Variants in AGBL1 observed in about 807,000 individuals in gnomAD.
The protein encoded by AGBL1 is cytosolic carboxypeptidase 4.
In AGBL1, 130 loss-of-function variants were observed where a neutral mutation model predicts 118.9. That is an observed-to-expected ratio of 1.09 (90% CI 0.95 to 1.26). AGBL1 has a LOEUF of 1.26. AGBL1 is among the 50% of genes most tolerant of loss of function. The pLI is 0.00. For synonymous variants in AGBL1, 555 were observed against 478.9 expected (o/e 1.16, Z -2.08); for missense variants, 1,584 against 1,298.1 (o/e 1.22, Z -3.38).
chr15:86,971,367 G>C (rs1567266188), intron 23 of AGBL1, among the ~76,000 whole-genome samples: 1 of 151,940 alleles, frequency 6.6e-6, no homozygotes. Flanking sequence ...CATCTACTAC[G>C]TGTTTCCTTA....
chr15:86,388,268 C>T (rs1051705550), intron 17 of AGBL1, among the ~76,000 whole-genome samples: 11 of 152,052 alleles, frequency 7.2e-5, no homozygotes, highest in African/African-American at 2.4e-4. Context: ...CAACTTTGGA[C>T]CACTTTTCTG....
chr15:86,656,016 A>G (rs1480169782), intron 21 of AGBL1, among the ~76,000 whole-genome samples: 4 of 152,156 alleles, frequency 2.6e-5, no homozygotes, highest in Non-Finnish European at 4.4e-5. Flanking sequence ...TTGAGATGCT[A>G]TCAATTAAGT....
intron 17 of AGBL1, among the ~76,000 whole-genome samples, chr15:86,386,905 TA>T: frequency 6.6e-6 from 1 of 152,098 alleles, no homozygotes; most frequent in Non-Finnish European, 1.5e-5. Flanking sequence ...AATGAATGAA[TA>T]AAAAATGAGT....
intron 6 of AGBL1, among the ~76,000 whole-genome samples, chr15:86,244,070 A>C (rs2078680869): frequency 6.8e-6 from 1 of 147,190 alleles, no homozygotes; most frequent in African/African-American, 2.6e-5. Flanking sequence ...TAAGTAAATA[A>C]ATAAATAAAT....
At position 86,295,678 on chromosome 15, in the gene AGBL1, A is replaced by G. The variant is rs138814604; in HGVS notation, c.2374+270A>G. On this transcript the variant is annotated intron_variant, in intron 17 of 22. Transcript: ENST00000614907. ...TAATGATGGTCACTTCCTCTCTTAAAACAGAACCAGGACCCTGAATCATAT... is the reference window on the plus strand; with the variant it reads ...TAATGATGGTCACTTCCTCTCTTAAGACAGAACCAGGACCCTGAATCATAT... The G allele has an allele frequency of 9.7e-4, 264 of 270,814 alleles. 1 individual carries two copies. Among genetic ancestry groups the G allele is most frequent in the African/African-American group, 5.5e-3 (247 of 45,238 alleles). 16.8% of individuals were successfully genotyped at this position (270,814 alleles called of 1,614,324 possible). A position where few individuals can be genotyped will look rare whatever the true frequency, so the allele number is the denominator to read the frequency against.
intron 5 of AGBL1, among the ~76,000 whole-genome samples, chr15:86,218,971 T>C (rs2078234923): frequency 6.6e-6 from 1 of 152,188 alleles, no homozygotes; most frequent in Non-Finnish European, 1.5e-5. Context: ...TGTGAGATAA[T>C]ACATGAATAT....
chr15:86,490,122 G>T (rs900909184), intron 18 of AGBL1, among the ~76,000 whole-genome samples: 2 of 151,964 alleles, frequency 1.3e-5, no homozygotes, highest in African/African-American at 4.8e-5. Context: ...ATGACGTCCC[G>T]CTGAGCCATC....
At chr15:86,365,554 T>G (rs2080873809) in intron 17 of AGBL1, among the ~76,000 whole-genome samples, 1 of 152,150 alleles carries the variant, frequency 6.6e-6, no homozygotes, top group Non-Finnish European at 1.5e-5. Flanking sequence ...GTAATTGAAT[T>G]TTTGCCTCTT....
intron 5 of AGBL1, among the ~76,000 whole-genome samples, chr15:86,202,220 G>A (rs949166544): frequency 3.3e-5 from 5 of 152,190 alleles, no homozygotes; most frequent in African/African-American, 1.2e-4. Context: ...TTGAACCCAG[G>A]AGGGAGAGGT....
chr15:87,004,296 T>C (rs572286635), intron 24 of AGBL1, among the ~76,000 whole-genome samples: 27 of 152,264 alleles, frequency 1.8e-4, no homozygotes, highest in Middle Eastern at 6.8e-3. Flanking sequence ...GGTGTTAGAC[T>C]CCCACACAAT....
intron 21 of AGBL1, among the ~76,000 whole-genome samples, chr15:86,653,113 A>G (rs2085403572): frequency 6.6e-6 from 1 of 152,294 alleles, no homozygotes; most frequent in Non-Finnish European, 1.5e-5. Context: ...ACCAGTTGGG[A>G]TATTGCCGAG....
chr15:86,987,091 G>C (rs946497902), intron 23 of AGBL1, among the ~76,000 whole-genome samples: 3 of 152,236 alleles, frequency 2.0e-5, no homozygotes, highest in Non-Finnish European at 4.4e-5. Flanking sequence ...TTAAGGCAAG[G>C]ACCGGCCATT....
At chr15:87,019,517 T>A (rs1210024394) in intron 24 of AGBL1, among the ~76,000 whole-genome samples, 1 of 152,156 alleles carries the variant, frequency 6.6e-6, no homozygotes, top group Non-Finnish European at 1.5e-5. Flanking sequence ...TGCTCCGGAA[T>A]GATTCTTGGG....
chr15:86,431,428 A>G (rs1188643715), intron 18 of AGBL1, among the ~76,000 whole-genome samples: 4 of 152,230 alleles, frequency 2.6e-5, no homozygotes, highest in African/African-American at 7.2e-5. Flanking sequence ...GGTGTCCACA[A>G]AAGTGTCTGT....
At chr15:86,259,151 G>A (rs2142019598) in intron 9 of AGBL1, among the ~76,000 whole-genome samples, 1 of 152,308 alleles carries the variant, frequency 6.6e-6, no homozygotes, top group African/African-American at 2.4e-5. Flanking sequence ...ATTGTAGGAT[G>A]TTTAGCAGCA....
intron 18 of AGBL1, among the ~76,000 whole-genome samples, chr15:86,471,370 C>A (rs1182843872): frequency 6.6e-6 from 1 of 152,040 alleles, no homozygotes. Flanking sequence ...TATGATGAAC[C>A]ATCTTTGTAT....
chr15:86,225,054 A>G (rs2078340208), intron 6 of AGBL1, 103 bp downstream of exon 6: 1 of 1,122,722 alleles, frequency 8.9e-7, no homozygotes, highest in Non-Finnish European at 1.3e-6. Flanking sequence ...TTTTTCATGA[A>G]CTACTATTTC....
At chr15:86,835,427 T>C (rs960738219) in intron 22 of AGBL1, among the ~76,000 whole-genome samples, 2 of 152,092 alleles carry the variant, frequency 1.3e-5, no homozygotes, top group African/African-American at 2.4e-5. Flanking sequence ...GAGAGGTGAT[T>C]TGATAATTAC....
At chr15:86,995,878 G>A (rs2081375521) in intron 24 of AGBL1, among the ~76,000 whole-genome samples, 1 of 152,128 alleles carries the variant, frequency 6.6e-6, no homozygotes, top group Non-Finnish European at 1.5e-5. Flanking sequence ...CAGCAGGAGT[G>A]TATTTTCTCC....
Sources: allele counts gnomAD v4.1 joint callset (sites outside exome capture counted in the v4.1 genomes callset), GRCh38; gene constraint gnomAD v4.1.1; transcripts MANE v1.5; gene names NCBI Gene and HGNC (gene_info 2026-07-23, HGNC 2026-07-21).